The following TAF4 variants were observed in gnomAD, a reference collection of about 807,000 sequenced individuals.
TAF4 encodes TATA-box binding protein associated factor 4.
A neutral mutation model predicts 90.3 loss-of-function variants in TAF4; 9 were observed. The observed-to-expected ratio is 0.10, with a 90% CI of 0.06 to 0.17. TAF4 has a LOEUF of 0.17. Among genes scored for constraint, TAF4 ranks in the 10% least tolerant of loss-of-function variants. TAF4 has a pLI of 1.00. For missense variants in TAF4, 1,351 were observed against 1,370.7 expected (o/e 0.99, Z 0.23); for synonymous variants, 818 against 638.9 (o/e 1.28, Z -4.23).
chr20:62,044,097 C>G (rs2055979230), intron 1 of TAF4, among the ~76,000 whole-genome samples: 1 of 152,192 alleles, frequency 6.6e-6, no homozygotes, highest in Non-Finnish European at 1.5e-5. Flanking sequence ...TGCTTTTTGC[C>G]TTGGCAGAGA....
intron 1 of TAF4, among the ~76,000 whole-genome samples, chr20:62,049,182 G>A (rs1001123563): frequency 2.0e-5 from 3 of 151,922 alleles, no homozygotes; most frequent in South Asian, 2.1e-4. Context: ...CAGTGCCCAC[G>A]CCCGCCTTCC....
chr20:62,013,950 T>TGA (rs1555875746), intron 2 of TAF4, among the ~76,000 whole-genome samples: 2,356 of 126,098 alleles, frequency 0.019, 34 homozygotes, highest in Non-Finnish European at 0.029. Context: ...TGTGTGTGTG[T>TGA]GAATCCGTGC....
intron 14 of TAF4, 40 bp downstream of exon 14, chr20:61,997,510 A>C: frequency 6.6e-7 from 1 of 1,514,786 alleles, no homozygotes; most frequent in South Asian, 1.3e-5. Context: ...GATGTTCCCC[A>C]TGTTTCCCCC....
intron 1 of TAF4, among the ~76,000 whole-genome samples, chr20:62,050,503 G>A (rs749723272): frequency 6.6e-6 from 1 of 151,972 alleles, no homozygotes; most frequent in Non-Finnish European, 1.5e-5. Flanking sequence ...CCGGGGTGCT[G>A]GCAGCACAGT....
intron 14 of TAF4, among the ~76,000 whole-genome samples, chr20:61,979,726 G>A (rs1026251298): frequency 4.7e-4 from 70 of 148,792 alleles, no homozygotes; most frequent in Non-Finnish European, 9.3e-4. Context: ...GCCCGTGCAG[G>A]CGCGGTGGCC....
At chr20:62,038,639 T>C (rs1240233813) in intron 1 of TAF4, among the ~76,000 whole-genome samples, 3 of 152,002 alleles carry the variant, frequency 2.0e-5, no homozygotes, top group African/African-American at 7.3e-5. Flanking sequence ...CTGAGAAAAA[T>C]CCTGAAAGGC....
chr20:62,003,066 G>A, intron 9 of TAF4, 94 bp downstream of exon 9: 1 of 1,078,030 alleles, frequency 9.3e-7, no homozygotes, highest in Non-Finnish European at 1.4e-6. Flanking sequence ...GGGCCACGTG[G>A]GAAAGACCCG....
intron 2 of TAF4, among the ~76,000 whole-genome samples, chr20:62,013,307 C>T (rs1486608305): frequency 1.3e-5 from 2 of 152,122 alleles, no homozygotes; most frequent in African/African-American, 2.4e-5. Flanking sequence ...GGGAGGTGGC[C>T]GCCCCTAGGC....
chr20:61,999,131 G>C, intron 11 of TAF4, 23 bp from the exon 12 acceptor site: 2 of 1,612,360 alleles, frequency 1.2e-6, no homozygotes, highest in South Asian at 1.1e-5. Flanking sequence ...TTAAAATACT[G>C]CTTGTCATAA....
intron 9 of TAF4, among the ~76,000 whole-genome samples, chr20:62,001,290 C>A (rs1204497232): frequency 6.6e-6 from 1 of 152,144 alleles, no homozygotes; most frequent in African/African-American, 2.4e-5. Flanking sequence ...CCCAGCAGCG[C>A]CTCTCCCTGC....
At chr20:62,034,596 C>G (rs1396014029) in intron 1 of TAF4, among the ~76,000 whole-genome samples, 1 of 152,034 alleles carries the variant, frequency 6.6e-6, no homozygotes. Context: ...TCCCAAAGTG[C>G]TGAGATGACA....
At chr20:62,029,486 G>GCGCACACACACACACACA (rs148456376) in intron 1 of TAF4, among the ~76,000 whole-genome samples, 4 of 146,088 alleles carry the variant, frequency 2.7e-5, no homozygotes, top group African/African-American at 1.0e-4. Context: ...GCGCGCGCGC[G>GCGCACACACACACACACA]CACACACACA....
chr20:62,038,518 T>C (rs754057010), intron 1 of TAF4, among the ~76,000 whole-genome samples: 3 of 151,424 alleles, frequency 2.0e-5, no homozygotes, highest in Admixed American at 1.3e-4. Flanking sequence ...CTGGCAACAA[T>C]TGGAAACAAA....
intron 1 of TAF4, among the ~76,000 whole-genome samples, chr20:62,060,903 A>G (rs1243639053): frequency 6.6e-6 from 1 of 152,218 alleles, no homozygotes; most frequent in Non-Finnish European, 1.5e-5. Context: ...AATGTGTGAA[A>G]ATCAGTGAAA....
Position 62,065,501 on chromosome 20 carries a change from G to T in TAF4, c.310C>A (p.Arg104Ser). The change falls in exon 1 of 15, where the codon CGC (arginine) becomes AGC (serine). Residue 104 changes from arginine (R) to serine (S), a missense_variant. This residue lies in a region of TAF4 where 782 missense variants were observed against 536.6 expected (regional missense o/e 1.46). Coordinates refer to ENST00000252996, the MANE Select transcript of TAF4 (RefSeq NM_003185.4). ...CGGCGCGGTGAGGGGGGGCCCGGGC[G>T]CTGCGGCCCCCCGCCCCCCGGCCGC... Reference protein sequence around the residue: ...RARPGGGGPQRPGPPSPRRPL... With the variant: ...RARPGGGGPQSPGPPSPRRPL... 1.0e-6 allele frequency: 1 copy of T among 971,748 alleles called. No individual in the cohort carries two copies. The allele number at this position is 971,748 out of a possible 1,614,324, so 60.2% of individuals were successfully genotyped here.
At chr20:62,039,518 T>C (rs2055952155) in intron 1 of TAF4, among the ~76,000 whole-genome samples, 1 of 152,202 alleles carries the variant, frequency 6.6e-6, no homozygotes, top group African/African-American at 2.4e-5. Flanking sequence ...AAAAATTTAT[T>C]TAAGAAGGCA....
intron 8 of TAF4, 131 bp from the exon 9 acceptor site, chr20:62,003,405 CATATTA>C (rs1167115614): frequency 5.4e-6 from 4 of 745,010 alleles, no homozygotes; most frequent in South Asian, 1.8e-5. Context: ...CCAAAAACTT[CATATTA>C]ATAACTCTAA....
At chr20:62,055,030 C>T (rs2056052513) in intron 1 of TAF4, among the ~76,000 whole-genome samples, 1 of 152,230 alleles carries the variant, frequency 6.6e-6, no homozygotes, top group Non-Finnish European at 1.5e-5. Context: ...CCCCACATTC[C>T]ACAGCTCAGA....
rs760551357 is a variant in TAF4, at chr20:62,010,217, G to A, written c.1642-52C>T. ...AGGGCATCTCACGCCACCAGCTGAC[G>A]AGGGGGAGACCAGCCTCACGCCCAG... On this transcript the variant is annotated intron_variant, in intron 3 of 14. Coordinates refer to ENST00000252996, the MANE Select transcript of TAF4 (RefSeq NM_003185.4). This position sits in a 1 kb window ranked among gnomAD's most constrained non-coding sequence, Gnocchi z 4.5. 53 of 1,611,538 alleles carry A rather than the reference G, an allele frequency of 3.3e-5. No homozygotes were observed. Among genetic ancestry groups the A allele is most frequent in the Non-Finnish European group, 3.6e-5 (42 of 1,179,484 alleles).
Sources: gnomAD v4.1 joint callset for allele counts (sites outside exome capture counted in the v4.1 genomes callset) on GRCh38, gnomAD v4.1.1 for gene constraint, gnomAD v4.1.1 regional missense constraint, Gnocchi (gnomAD v3.1) non-coding constraint, MANE v1.5 for transcripts, NCBI Gene and HGNC (gene_info 2026-07-23, HGNC 2026-07-21) for gene names.